LRP8: variants seen among roughly 807,000 people sequenced by gnomAD.
LRP8 encodes low-density lipoprotein receptor-related protein 8.
In LRP8, 46 loss-of-function variants were observed where a neutral mutation model predicts 111.6. The observed-to-expected ratio is 0.41, with a 90% confidence interval of 0.33 to 0.53. The LOEUF (loss-of-function observed/expected upper bound fraction) is 0.53, where lower values mean the gene tolerates loss of function less well. LRP8 is among the 20% of genes least tolerant of loss of function. LRP8 has a pLI of 0.20. For synonymous variants in LRP8, 464 were observed against 511.2 expected (o/e 0.91, Z 1.24); for missense variants, 959 against 1,297.4 (o/e 0.74, Z 4.01).
chr1:53,289,761 T>C, intron 2 of LRP8, 72 bp from the exon 3 acceptor site: 2 of 1,584,902 alleles, frequency 1.3e-6, no homozygotes, highest in South Asian at 2.3e-5. Flanking sequence ...CAGGATGTGC[T>C]TGGTCTGCAA....
chr1:53,287,867 G>A (rs1221596255), intron 3 of LRP8, among the ~76,000 whole-genome samples: 1 of 151,286 alleles, frequency 6.6e-6, no homozygotes, highest in African/African-American at 2.4e-5. Flanking sequence ...GAGGGAGGGT[G>A]AGGATAGGAG....
chr1:53,285,628 C>T (rs1647416344), intron 3 of LRP8, among the ~76,000 whole-genome samples: 1 of 152,210 alleles, frequency 6.6e-6, no homozygotes, highest in Non-Finnish European at 1.5e-5. Context: ...ACTAGGAGCT[C>T]AGAAAACACT....
At chr1:53,290,037 T>G (rs1177257643) in intron 2 of LRP8, among the ~76,000 whole-genome samples, 1 of 152,184 alleles carries the variant, frequency 6.6e-6, no homozygotes, top group Non-Finnish European at 1.5e-5. Context: ...TTCAGCCAGT[T>G]CTCAGTCTCT....
chr1:53,288,839 C>G (rs1297702599), intron 3 of LRP8, among the ~76,000 whole-genome samples: 1 of 152,214 alleles, frequency 6.6e-6, no homozygotes, highest in Non-Finnish European at 1.5e-5. Flanking sequence ...TAACAAATGT[C>G]ACAGAATGAC....
In LRP8 at chr1:53,309,433, C is replaced by T. The variant is rs143595632; in HGVS notation, c.244+17440G>A. On this transcript the variant is annotated intron_variant, in intron 2 of 18. Transcript: ENST00000306052. ...TTTGAGGTAGGGCCTGCCAAGACGCCCCTGTGCAGAAGAGGAAACCAAGAC... is the reference window on the plus strand; with the variant it reads ...TTTGAGGTAGGGCCTGCCAAGACGCTCCTGTGCAGAAGAGGAAACCAAGAC... 3.2e-4 allele frequency among the ~76,000 whole-genome samples: 49 copies of T among 152,276 alleles called. No homozygotes were observed. The East Asian group carries it at 8.1e-3, about 25-fold the overall frequency.
intron 2 of LRP8, among the ~76,000 whole-genome samples, chr1:53,310,394 C>G (rs920725042): frequency 6.6e-6 from 1 of 152,184 alleles, no homozygotes; most frequent in Admixed American, 6.5e-5. Context: ...CCTGCTAAGC[C>G]GTGTGACCTG....
intron 3 of LRP8, among the ~76,000 whole-genome samples, chr1:53,286,032 A>G (rs1276489996): frequency 6.6e-6 from 1 of 152,248 alleles, no homozygotes; most frequent in Non-Finnish European, 1.5e-5. Context: ...CAAATTAACG[A>G]AAAGGGCAAT....
At chr1:53,265,942 G>A (rs1646536878) in intron 9 of LRP8, among the ~76,000 whole-genome samples, 1 of 152,220 alleles carries the variant, frequency 6.6e-6, no homozygotes. Flanking sequence ...CACTGACTGT[G>A]GCGTCAAAGA....
Position 53,249,336 on chromosome 1 carries a change from C to T in LRP8, c.2853+44G>A, listed in dbSNP as rs567949316. ...TTGGCTGCGCCTGCCTTGGTTCATG[C>T]CCTCACTCACCAGCCCCTCAGACTT... On this transcript the variant is annotated intron_variant, in intron 18 of 18. Coordinates refer to ENST00000306052, the MANE Select transcript of LRP8 (RefSeq NM_004631.5). This position sits in a 1 kb window ranked among gnomAD's most constrained non-coding sequence, Gnocchi z 4.1. 1.3e-6 allele frequency: 2 copies of T among 1,595,970 alleles called. No homozygotes were observed. The highest frequency in any genetic ancestry group is 2.2e-5 in the East Asian group (1 of 44,758).
At chr1:53,310,111 A>G (rs1371021344) in intron 2 of LRP8, among the ~76,000 whole-genome samples, 1 of 152,092 alleles carries the variant, frequency 6.6e-6, no homozygotes, top group East Asian at 1.9e-4. Context: ...TCTGGGCCCC[A>G]GGTTCACAGG....
chr1:53,274,846 C>A (rs1221883267), intron 6 of LRP8: 2 of 456,176 alleles, frequency 4.4e-6, no homozygotes, highest in Non-Finnish European at 8.8e-6. Context: ...AGAGAGTGGA[C>A]AGTGCCTGTG....
At position 53,266,444 on chromosome 1, in the gene LRP8, G is replaced by T; in HGVS notation, c.1427+29C>A. ...ACCACCCCTCACCCCCACTCTTCAT[G>T]CCTTGCTGCAGAGGATATGGCCGCT... is the stretch of plus-strand genomic sequence containing the variant. On this transcript the variant is annotated intron_variant, in intron 9 of 18. Transcript: ENST00000306052. The surrounding 1 kb of genome is among the most constrained non-coding windows in gnomAD (Gnocchi z 5.0). 6.2e-7 allele frequency: 1 copy of T among 1,608,534 alleles called. No homozygotes were observed. Among genetic ancestry groups the T allele is most frequent in the Non-Finnish European group, 8.5e-7 (1 of 1,175,614 alleles).
At chr1:53,272,343 C>A (rs1248604760) in intron 6 of LRP8, among the ~76,000 whole-genome samples, 1 of 152,166 alleles carries the variant, frequency 6.6e-6, no homozygotes, top group Non-Finnish European at 1.5e-5. Context: ...TCAGGGAATC[C>A]AGGACCAATG....
chr1:53,306,200 G>A (rs1249262617), intron 2 of LRP8: 1 of 152,368 alleles, frequency 6.6e-6, no homozygotes, highest in East Asian at 1.9e-4. Context: ...AGGCAATCTG[G>A]AAGCCTGGGG....
At chr1:53,260,864 G>A (rs936399221) in intron 12 of LRP8, among the ~76,000 whole-genome samples, 2 of 152,152 alleles carry the variant, frequency 1.3e-5, no homozygotes, top group Non-Finnish European at 2.9e-5. Flanking sequence ...GCTGAACTAA[G>A]CCTGCTTGCT....
At chr1:53,311,959 A>C (rs2788032) in intron 2 of LRP8, among the ~76,000 whole-genome samples, 23,699 of 152,142 alleles carry the variant, frequency 0.16, 2,570 homozygotes, top group African/African-American at 0.31. Flanking sequence ...GACTGCAGAG[A>C]CTCATACAAG....
In LRP8 at chr1:53,271,061, TCTCGTAGCCAGGGTAGC is replaced by T. The variant is rs767719852; in HGVS notation, c.1202_1218del (p.Cys401TyrfsTer62). On this transcript the variant is annotated frameshift_variant, in exon 8 of 19. Coordinates refer to ENST00000306052, the MANE Select transcript of LRP8 (RefSeq NM_004631.5). LOFTEE classifies it high-confidence loss of function. ...TTGCAGTTCTTGGTCAGTAGGTCCA[TCTCGTAGCCAGGGTAGC>T]ACTCACACTTAAAATAGCCCTTGTA... 6.2e-7 allele frequency: 1 copy of T among 1,614,000 alleles called. No homozygotes were observed. Among genetic ancestry groups the T allele is most frequent in the South Asian group, 1.1e-5 (1 of 91,066 alleles).
chr1:53,271,763 C>G (rs1646768542), intron 6 of LRP8, among the ~76,000 whole-genome samples: 1 of 152,050 alleles, frequency 6.6e-6, no homozygotes, highest in African/African-American at 2.4e-5. Context: ...CTCAGGATAC[C>G]CTAAGAATCC....
Position 53,317,489 on chromosome 1 carries a change from C to T in LRP8, c.244+9384G>A, listed in dbSNP as rs1340620126. On this transcript the variant is annotated intron_variant, in intron 2 of 18. Transcript: ENST00000306052. This position sits in a 1 kb window ranked among gnomAD's most constrained non-coding sequence, Gnocchi z 4.9. ...TCCCAGCCCGAGGAGCTGCTGTTCT[C>T]TCAGGCAGCCAAGTCCTCCCAACTG... Among the ~76,000 whole-genome samples, 1 of 152,220 alleles carries T rather than the reference C, an allele frequency of 6.6e-6. No individual in the cohort carries two copies. The highest frequency in any genetic ancestry group is 1.9e-4 in the East Asian group (1 of 5,194).
Sources: allele counts gnomAD v4.1 joint callset (sites outside exome capture counted in the v4.1 genomes callset), GRCh38; gene constraint gnomAD v4.1.1; non-coding constraint Gnocchi (gnomAD v3.1); transcripts MANE v1.5; gene names NCBI Gene and HGNC (gene_info 2026-07-23, HGNC 2026-07-21).